PAPLN: variants seen among roughly 807,000 people sequenced by gnomAD.
The protein encoded by PAPLN is papilin.
A neutral mutation model predicts 159.0 loss-of-function variants in PAPLN; 146 were observed. The observed-to-expected ratio is 0.92, with a 90% CI of 0.80 to 1.05. The LOEUF is 1.05. PAPLN is among the 50% of genes least tolerant of loss of function. The pLI is 0.00. For missense variants in PAPLN, 1,720 were observed against 1,743.9 expected (o/e 0.99, Z 0.24); for synonymous variants, 734 against 702.9 (o/e 1.04, Z -0.70).
chr14:73,251,884 C>T (rs1265965115), intron 9 of PAPLN, 48 bp downstream of exon 9: 4 of 1,553,900 alleles, frequency 2.6e-6, no homozygotes, highest in Admixed American at 2.1e-5. Context: ...CTCGTGGTCC[C>T]CAAGAGGCTG....
intron 5 of PAPLN, among the ~76,000 whole-genome samples, chr14:73,247,708 C>T (rs1884607843): frequency 7.8e-6 from 1 of 128,996 alleles, no homozygotes; most frequent in Non-Finnish European, 1.6e-5. Context: ...GTGGGCATGG[C>T]CCAGTGGGAG....
chr14:73,251,858 G>GA, intron 9 of PAPLN, 22 bp downstream of exon 9: 1 of 1,577,102 alleles, frequency 6.3e-7, no homozygotes, highest in Non-Finnish European at 8.6e-7. Flanking sequence ...TGTGGGGAGA[G>GA]AGGGCGAGTG....
intron 5 of PAPLN, among the ~76,000 whole-genome samples, chr14:73,248,751 A>C (rs1395222347): frequency 6.6e-6 from 1 of 151,920 alleles, no homozygotes; most frequent in Non-Finnish European, 1.5e-5. Context: ...GAGCCCAGGA[A>C]GTTGAGGCTG....
intron 26 of PAPLN, 37 bp downstream of exon 26, chr14:73,268,760 TC>T: frequency 6.4e-7 from 1 of 1,553,740 alleles, no homozygotes; most frequent in Non-Finnish European, 8.7e-7. Flanking sequence ...GGAAGGACAT[TC>T]CCCAGTAGAT....
At chr14:73,244,071 C>T (rs755610935) in intron 2 of PAPLN, 4 of 155,266 alleles carry the variant, frequency 2.6e-5, no homozygotes, top group Non-Finnish European at 5.7e-5. Flanking sequence ...ATTTACATCT[C>T]ACTGATGAGA....
At position 73,260,777 on chromosome 14, in the gene PAPLN, A is replaced by G. The variant is rs561146564; in HGVS notation, c.2054A>G (p.Tyr685Cys). The change falls in exon 17 of 27, where the codon TAT becomes TGT. Residue 685 changes from tyrosine (Y) to cysteine (C), a missense_variant. Physicochemically the swap from Tyr to Cys is radical, Grantham distance 194. Transcript: ENST00000644200. ...GPHHAGCTKS[Y>C]GGDSTGGMPR... ...CATCACGCTGGCTGCACAAAGTCGTATGGTGGTGACAGCACCGGGGGCATG... is the reference window on the plus strand; with the variant it reads ...CATCACGCTGGCTGCACAAAGTCGTGTGGTGGTGACAGCACCGGGGGCATG... 4.7e-6 allele frequency: 7 copies of G among 1,489,256 alleles called. No homozygotes were observed. The highest frequency in any genetic ancestry group is 6.2e-6 in the Non-Finnish European group (7 of 1,122,570). 92.3% of individuals were successfully genotyped at this position (1,489,256 alleles called of 1,614,324 possible).
intron 23 of PAPLN, among the ~76,000 whole-genome samples, chr14:73,266,122 C>T (rs574396690): frequency 6.2e-4 from 95 of 152,172 alleles, no homozygotes; most frequent in Non-Finnish European, 1.0e-3. Context: ...GGGTGGATCA[C>T]GAGGTCAGGA....
rs1444859904 is a variant in PAPLN, at chr14:73,247,893, T to C, written c.334+1718T>C. On this transcript the variant is annotated intron_variant, in intron 5 of 26. Transcript: ENST00000644200. ...CAGTGGGAGTCTCATATCCTCCGTG[T>C]GTGTGTGTGTGTGTGTGTGTGTGTG... Among the ~76,000 whole-genome samples, 91 of 17,964 alleles carry C rather than the reference T, an allele frequency of 5.1e-3. 1 individual carries two copies. Among genetic ancestry groups the C allele is most frequent in the Non-Finnish European group, 7.5e-3 (82 of 10,904 alleles). The allele number at this position is 17,964 out of a possible 152,430, so 11.8% of individuals were successfully genotyped here.
intron 2 of PAPLN, chr14:73,243,266 T>C: frequency 6.6e-6 from 1 of 152,450 alleles, no homozygotes; most frequent in Non-Finnish European, 1.5e-5. Flanking sequence ...AGTGCTGGGA[T>C]TACAGGCATG....
chr14:73,237,569 G>T lies in PAPLN; in HGVS notation c.-30G>T, dbSNP rs1204464241. The T allele has an allele frequency of 6.6e-6, 1 of 152,258 alleles. No homozygotes were observed. Among genetic ancestry groups the T allele is most frequent in the African/African-American group, 2.4e-5 (1 of 41,466 alleles). 9.4% of individuals were successfully genotyped at this position (152,258 alleles called of 1,614,324 possible). ...CACCGACGGAGCGGCCCTGGCTGCA[G>T]CCTCCCGGCGCCAGCGAAGACAGGT... On this transcript the variant is annotated 5_prime_UTR_variant, in exon 1 of 27. Transcript: ENST00000644200.
At chr14:73,270,182 G>A (rs1007179537) in intron 26 of PAPLN, among the ~76,000 whole-genome samples, 1 of 147,256 alleles carries the variant, frequency 6.8e-6, no homozygotes, top group Non-Finnish European at 1.5e-5. Flanking sequence ...TCGGCCCACC[G>A]TCTCGCTCCG....
At chr14:73,270,315 G>T (rs1887603923) in intron 26 of PAPLN, among the ~76,000 whole-genome samples, 1 of 152,248 alleles carries the variant, frequency 6.6e-6, no homozygotes, top group African/African-American at 2.4e-5. Flanking sequence ...AGGGGAACAT[G>T]GTGGCGCCCG....
Position 73,263,703 on chromosome 14 carries a change from C to G in PAPLN, c.2782C>G (p.Arg928Gly), listed in dbSNP as rs139258651. 5.3e-4 allele frequency: 852 copies of G among 1,612,790 alleles called. 5 individuals carry two copies. Among genetic ancestry groups the G allele is most frequent in the Non-Finnish European group, 2.2e-4 (261 of 1,179,988 alleles). ...GCAGGCAGCCCTGGGGCAGTTGGTG[C>G]GGCTCTCCTGCTCAGACGACACTGC... ...LVQAALGQLV[R>G]LSCSDDTAPE... The change falls in exon 20 of 27, where the codon CGG (arginine) becomes GGG (glycine). Residue 928 changes from arginine to glycine, a missense_variant. Arg to Gly is a moderately radical substitution (Grantham distance 125, BLOSUM62 -2). Coordinates refer to ENST00000644200, the MANE Select transcript of PAPLN (RefSeq NM_001365906.3).
At position 73,261,387 on chromosome 14, in the gene PAPLN, A is replaced by G. The variant is rs1436776399; in HGVS notation, c.2245+93A>G. ...ACCCAGGACCAAAGACCTTCCTACC[A>G]GCTCAGTTATTCATTCATTCCTACC... is the stretch of plus-strand genomic sequence containing the variant. On this transcript the variant is annotated intron_variant, in intron 18 of 26. Coordinates refer to ENST00000644200, the MANE Select transcript of PAPLN (RefSeq NM_001365906.3). The G allele has an allele frequency of 2.7e-6, 4 of 1,483,426 alleles. No individual in the cohort carries two copies. The African/African-American group carries it at 4.2e-5, about 16-fold the overall frequency. 91.9% of individuals were successfully genotyped at this position (1,483,426 alleles called of 1,614,324 possible).
intron 14 of PAPLN, among the ~76,000 whole-genome samples, chr14:73,256,879 A>G (rs541560252): frequency 7.9e-5 from 12 of 151,932 alleles, no homozygotes; most frequent in African/African-American, 2.7e-4. Context: ...GCAAGATTCT[A>G]TCTCAAAAAT....
chr14:73,245,873 T>C lies in PAPLN; in HGVS notation c.231+177T>C. On this transcript the variant is annotated intron_variant, in intron 4 of 26. Transcript: ENST00000644200. The surrounding 1 kb of genome is among the most constrained non-coding windows in gnomAD (Gnocchi z 4.2). ...CCTTCCTCACCCTGCTCCCGGGGAC[T>C]GGCCTTGCCCTCCACAGCCTAGAGC... 8.6e-6 allele frequency: 8 copies of C among 932,592 alleles called. No homozygotes were observed. The highest frequency in any genetic ancestry group is 1.3e-5 in the Non-Finnish European group (8 of 632,192). The allele number at this position is 932,592 out of a possible 1,614,324, so 57.8% of individuals were successfully genotyped here.
rs750929754 is a variant in PAPLN, at chr14:73,245,718, C to T, written c.231+22C>T. 1.9e-6 allele frequency: 3 copies of T among 1,538,918 alleles called. No homozygotes were observed. The highest frequency in any genetic ancestry group is 1.4e-5 in the African/African-American group (1 of 73,264). On this transcript the variant is annotated intron_variant, in intron 4 of 26. Transcript: ENST00000644200. The surrounding 1 kb of genome is among the most constrained non-coding windows in gnomAD (Gnocchi z 4.2). Reference sequence around the variant, plus strand: ...GGAGGTAAAGCTCACGGGGCGCGGGCGAAGGCACCAGCTTCCCCAGCCCCT... The same window carrying T: ...GGAGGTAAAGCTCACGGGGCGCGGGTGAAGGCACCAGCTTCCCCAGCCCCT...
At chr14:73,244,613 C>T (rs1425485792) in intron 2 of PAPLN, 31 bp from the exon 3 acceptor site, 1 of 1,526,112 alleles carries the variant, frequency 6.6e-7, no homozygotes, top group African/African-American at 1.4e-5. Flanking sequence ...TGTGAGTGGG[C>T]AATGCTGATG....
At chr14:73,269,685 G>A (rs1204985128) in intron 26 of PAPLN, among the ~76,000 whole-genome samples, 1 of 152,232 alleles carries the variant, frequency 6.6e-6, no homozygotes. Context: ...TGTTCACGGA[G>A]GGACTGAAGA....
Sources: allele counts gnomAD v4.1 joint callset (sites outside exome capture counted in the v4.1 genomes callset), GRCh38; gene constraint gnomAD v4.1.1; non-coding constraint Gnocchi (gnomAD v3.1); transcripts MANE v1.5; gene names NCBI Gene and HGNC (gene_info 2026-07-23, HGNC 2026-07-21).